Variants in UBAP1 observed in about 807,000 individuals in gnomAD.
UBAP1 encodes ubiquitin-associated protein 1.
In UBAP1, 5 loss-of-function variants were observed where a neutral mutation model predicts 39.0. The ratio of observed to expected loss-of-function variants is 0.13; its 90% CI spans 0.07 to 0.27. The LOEUF (loss-of-function observed/expected upper bound fraction) is 0.27. Among genes scored for constraint, UBAP1 ranks in the 10% least tolerant of loss-of-function variants. The pLI is 1.00. For synonymous variants in UBAP1, 211 were observed against 225.1 expected (o/e 0.94, Z 0.56); for missense variants, 490 against 608.1 (o/e 0.81, Z 2.04).
In UBAP1 at chr9:34,249,841, T is replaced by C; in HGVS notation, c.1146T>C (p.Tyr382=). The C allele has an allele frequency of 6.2e-7, 1 of 1,614,198 alleles. No individual in the cohort carries two copies. Among genetic ancestry groups the C allele is most frequent in the Non-Finnish European group, 8.5e-7 (1 of 1,180,030 alleles). Residue 382 remains tyrosine (Y), a synonymous_variant, in exon 5 of 7, where the codon TAT becomes TAC. Coordinates refer to ENST00000297661, the MANE Select transcript of UBAP1 (RefSeq NM_016525.5). ...VPNMPSCPQA[Y]SELQMLSPSE... is the part of the protein sequence containing the mutation. ...ACATGCCCAGCTGTCCCCAGGCCTA[T>C]TCTGAACTGCAGATGCTGTCCCCCA...
intron 4 of UBAP1, among the ~76,000 whole-genome samples, chr9:34,243,291 G>C (rs1274827819): frequency 6.6e-6 from 1 of 152,154 alleles, no homozygotes; most frequent in Non-Finnish European, 1.5e-5. Flanking sequence ...ACCATTTAGA[G>C]ATCAAAGCCA....
chr9:34,244,038 C>T (rs531365362), intron 4 of UBAP1, among the ~76,000 whole-genome samples: 33 of 151,264 alleles, frequency 2.2e-4, no homozygotes, highest in African/African-American at 6.3e-4. Flanking sequence ...TTAGTAGAGA[C>T]GGGGTTTCAC....
intron 2 of UBAP1, among the ~76,000 whole-genome samples, chr9:34,226,761 A>C (rs186492635): frequency 5.2e-4 from 79 of 151,356 alleles, no homozygotes; most frequent in Non-Finnish European, 1.2e-4. Flanking sequence ...AGTTTGGCTA[A>C]TTTCTTTTGA....
At chr9:34,186,618 G>A (rs535926888) in intron 1 of UBAP1, among the ~76,000 whole-genome samples, 2 of 152,204 alleles carry the variant, frequency 1.3e-5, no homozygotes, top group African/African-American at 4.8e-5. Context: ...ATTTCCTGAA[G>A]CTGGGCATCT....
At chr9:34,179,035 A>G (rs1162754820), upstream of UBAP1, 1 of 1,260,896 alleles carries the variant, frequency 7.9e-7, no homozygotes, top group Non-Finnish European at 1.0e-6. Context: ...CGGTGAGGGG[A>G]AGGAGGAGGG....
intron 1 of UBAP1, among the ~76,000 whole-genome samples, chr9:34,182,707 TTCTC>T (rs1478040725): frequency 6.2e-4 from 90 of 145,954 alleles, no homozygotes; most frequent in African/African-American, 2.2e-3. Context: ...TTTCTTTTCT[TTCTC>T]TCTCTTTCTC....
Position 34,210,385 on chromosome 9 carries a change from C to T in UBAP1, c.-7-10523C>T, listed in dbSNP as rs577235590. On this transcript the variant is annotated intron_variant, in intron 1 of 6. Transcript: ENST00000297661. ...TCTTCACAGTTACGTTCTTAACTAACACAAAAAAATATTCTAATACTATTC... is the reference window on the plus strand; with the variant it reads ...TCTTCACAGTTACGTTCTTAACTAATACAAAAAAATATTCTAATACTATTC... Among the ~76,000 whole-genome samples the T allele has an allele frequency of 3.6e-4, 55 of 152,190 alleles. 1 individual carries two copies. The highest frequency in any genetic ancestry group is 1.2e-3 in the African/African-American group (48 of 41,528).
At chr9:34,233,410 C>T (rs1016112736) in intron 2 of UBAP1, among the ~76,000 whole-genome samples, 9 of 151,428 alleles carry the variant, frequency 5.9e-5, no homozygotes, top group Admixed American at 1.3e-4. Flanking sequence ...TTAGTAGAGA[C>T]GGGGTTTCAC....
Position 34,250,640 on chromosome 9 carries a change from C to A in UBAP1, c.1267-18C>A. On this transcript the variant is annotated intron_variant, in intron 5 of 6. Coordinates refer to ENST00000297661, the MANE Select transcript of UBAP1 (RefSeq NM_016525.5). ...AAAGAGCAGCAGTAGGTGCTAAACC[C>A]CTTGTTTCTTTTCTTAGATTCTCGA... The A allele has an allele frequency of 6.2e-7, 1 of 1,605,252 alleles. No individual in the cohort carries two copies. The highest frequency in any genetic ancestry group is 1.1e-5 in the South Asian group (1 of 90,726).
chr9:34,241,289 T>C lies in UBAP1; in HGVS notation c.264T>C (p.Ala88=), dbSNP rs769363576. 1 of 1,508,218 alleles carries C rather than the reference T, an allele frequency of 6.6e-7. No individual in the cohort carries two copies. Among genetic ancestry groups the C allele is most frequent in the East Asian group, 2.3e-5 (1 of 43,936 alleles). 93.4% of individuals were successfully genotyped at this position (1,508,218 alleles called of 1,614,324 possible). A position where few individuals can be genotyped will look rare whatever the true frequency, so the allele number is the denominator to read the frequency against. ...EAECKIAEAE[A]KVNSKSGPEG... is the part of the protein sequence containing the mutation. ...AGTGCAAAATTGCGGAAGCAGAAGC[T>C]AAAGTGAATTCTAAGAGTGGCCCAG... The change falls in exon 4 of 7, where the codon GCT becomes GCC. Residue 88 remains alanine (A), a synonymous_variant. Coordinates refer to ENST00000297661, the MANE Select transcript of UBAP1 (RefSeq NM_016525.5).
At chr9:34,237,877 C>T (rs1337550364) in intron 3 of UBAP1, among the ~76,000 whole-genome samples, 1 of 152,106 alleles carries the variant, frequency 6.6e-6, no homozygotes. Context: ...CAAAATTCAC[C>T]TTTTTAAGGT....
At chr9:34,248,655 G>A (rs545597364) in intron 4 of UBAP1, among the ~76,000 whole-genome samples, 1 of 152,332 alleles carries the variant, frequency 6.6e-6, no homozygotes, top group South Asian at 2.1e-4. Flanking sequence ...AGTGTGTGCT[G>A]TGGGTGAGAT....
intron 3 of UBAP1, among the ~76,000 whole-genome samples, chr9:34,238,612 G>A (rs1423037100): frequency 6.6e-6 from 1 of 152,110 alleles, no homozygotes; most frequent in African/African-American, 2.4e-5. Context: ...GTCTAATGGT[G>A]TCAAGCATCT....
At chr9:34,185,761 G>A (rs1342826713) in intron 1 of UBAP1, among the ~76,000 whole-genome samples, 2 of 151,636 alleles carry the variant, frequency 1.3e-5, no homozygotes, top group Non-Finnish European at 2.9e-5. Flanking sequence ...CAGGAGAATT[G>A]CTTGAACCTG....
chr9:34,231,488 C>T (rs564162368), intron 2 of UBAP1, among the ~76,000 whole-genome samples: 43 of 152,140 alleles, frequency 2.8e-4, no homozygotes, highest in African/African-American at 7.7e-4. Flanking sequence ...GGATTACAGG[C>T]GTGAGCCACC....
intron 1 of UBAP1, among the ~76,000 whole-genome samples, chr9:34,181,774 ACT>A (rs1305298246): frequency 1.4e-5 from 2 of 148,100 alleles, no homozygotes; most frequent in Non-Finnish European, 3.0e-5. Context: ...AAAAAATTAA[ACT>A]CTGTAAATAT....
chr9:34,240,809 T>C (rs1002199792), intron 3 of UBAP1, among the ~76,000 whole-genome samples: 1 of 152,214 alleles, frequency 6.6e-6, no homozygotes, highest in African/African-American at 2.4e-5. Context: ...TAAAAGGTTA[T>C]TGAGAAAATC....
chr9:34,187,305 ATC>A (rs2131499266), intron 1 of UBAP1, among the ~76,000 whole-genome samples: 1 of 152,324 alleles, frequency 6.6e-6, no homozygotes, highest in South Asian at 2.1e-4. Flanking sequence ...AATGTGGTAT[ATC>A]TCATCTGACA....
intron 2 of UBAP1, among the ~76,000 whole-genome samples, chr9:34,228,683 C>T (rs1362838127): frequency 6.6e-6 from 1 of 150,784 alleles, no homozygotes; most frequent in Non-Finnish European, 1.5e-5. Context: ...GATCCTCCTG[C>T]CTCAGTTTCC....
Sources: allele counts gnomAD v4.1 joint callset (sites outside exome capture counted in the v4.1 genomes callset), GRCh38; gene constraint gnomAD v4.1.1; transcripts MANE v1.5; gene names NCBI Gene and HGNC (gene_info 2026-07-23, HGNC 2026-07-21).